The following NXPE2 variants were observed in gnomAD, a reference collection of about 807,000 sequenced individuals.
NXPE2 encodes NXPE family member 2.
NXPE2 carries 34 observed loss-of-function variants against 34.4 expected under a neutral mutation model. That is an observed-to-expected ratio of 0.99 (90% CI 0.75 to 1.31). The LOEUF (loss-of-function observed/expected upper bound fraction) is 1.31. Ranked by LOEUF, NXPE2 falls within the 40% of genes most tolerant of loss-of-function variation. The pLI, the probability that NXPE2 is intolerant of heterozygous loss-of-function variation, is 0.00. For missense variants in NXPE2, 649 were observed against 672.5 expected (o/e 0.97, Z 0.39); for synonymous variants, 235 against 231.3 (o/e 1.02, Z -0.15).
At chr11:114,642,266 C>A in the NXPE2 span, among the ~76,000 whole-genome samples, 1 of 151,958 alleles carries the variant, frequency 6.6e-6, no homozygotes, top group Admixed American at 6.6e-5. Flanking sequence ...AGATAATTCC[C>A]AATTGAGGGA....
chr11:114,666,234 A>T, the NXPE2 span, among the ~76,000 whole-genome samples: 3 of 152,058 alleles, frequency 2.0e-5, no homozygotes, highest in Non-Finnish European at 2.9e-5. Context: ...TAGCAGATTC[A>T]TTCCTCTTTA....
chr11:114,605,586 C>A, the NXPE2 span, among the ~76,000 whole-genome samples: 2 of 151,428 alleles, frequency 1.3e-5, no homozygotes, highest in East Asian at 2.0e-4. Flanking sequence ...ATAAGTATTG[C>A]CTCGTCGGTA....
At chr11:114,612,408 C>A in the NXPE2 span, among the ~76,000 whole-genome samples, 3 of 152,026 alleles carry the variant, frequency 2.0e-5, no homozygotes, top group Non-Finnish European at 4.4e-5. Flanking sequence ...ACCACTGTTA[C>A]CCGGTGGATA....
chr11:114,780,059 T>C, the NXPE2 span, among the ~76,000 whole-genome samples: 2 of 152,208 alleles, frequency 1.3e-5, no homozygotes, highest in Non-Finnish European at 2.9e-5. Context: ...ACAACCCCCA[T>C]GTGTCCACTG....
chr11:114,671,929 G>A, the NXPE2 span, among the ~76,000 whole-genome samples: 1 of 152,000 alleles, frequency 6.6e-6, no homozygotes, highest in South Asian at 2.1e-4. Flanking sequence ...AGTAAAAGAG[G>A]TTTAATCGGC....
At chr11:114,576,670 C>A in the NXPE2 span, among the ~76,000 whole-genome samples, 2 of 151,440 alleles carry the variant, frequency 1.3e-5, no homozygotes, top group African/African-American at 4.9e-5. Context: ...TAAGAAAGGC[C>A]ATATTCAAAA....
At chr11:114,704,552 T>C (rs1443877806) in intron 4 of NXPE2, among the ~76,000 whole-genome samples, 2 of 152,232 alleles carry the variant, frequency 1.3e-5, no homozygotes, top group East Asian at 3.8e-4. Context: ...ATTTCACTCA[T>C]AGAAGTGATG....
the NXPE2 span, among the ~76,000 whole-genome samples, chr11:114,746,775 C>T: frequency 3.3e-5 from 5 of 151,772 alleles, no homozygotes; most frequent in African/African-American, 9.7e-5. Flanking sequence ...CGCTTGAACC[C>T]GGAATGTGGA....
chr11:114,626,433 C>A, the NXPE2 span, among the ~76,000 whole-genome samples: 4 of 151,890 alleles, frequency 2.6e-5, no homozygotes, highest in African/African-American at 9.6e-5. Flanking sequence ...CCTCACGTGG[C>A]CGGGTACTCC....
chr11:114,651,523 A>G, the NXPE2 span, among the ~76,000 whole-genome samples: 1 of 152,236 alleles, frequency 6.6e-6, no homozygotes, highest in Middle Eastern at 3.2e-3. Flanking sequence ...CACAGCATGG[A>G]AGAGAATCCG....
the NXPE2 span, among the ~76,000 whole-genome samples, chr11:114,604,250 T>C: frequency 6.6e-6 from 1 of 152,056 alleles, no homozygotes; most frequent in African/African-American, 2.4e-5. Flanking sequence ...AAGTGTTGAC[T>C]CTTGGGTAAC....
chr11:114,638,681 C>G, the NXPE2 span, among the ~76,000 whole-genome samples: 1 of 152,104 alleles, frequency 6.6e-6, no homozygotes, highest in Non-Finnish European at 1.5e-5. Context: ...TTCTTTCTAA[C>G]AGACAGGACC....
chr11:114,543,963 C>CA, the NXPE2 span, among the ~76,000 whole-genome samples: 1 of 151,676 alleles, frequency 6.6e-6, no homozygotes, highest in Non-Finnish European at 1.5e-5. Flanking sequence ...TTTGAAATTA[C>CA]AAAAAAGAAA....
chr11:114,687,654 G>C (rs1285022208), intron 2 of NXPE2, among the ~76,000 whole-genome samples: 1 of 151,656 alleles, frequency 6.6e-6, no homozygotes, highest in African/African-American at 2.4e-5. Flanking sequence ...TGGGAATACT[G>C]ATGTTGGAAT....
chr11:114,468,568 G>C, the NXPE2 span, among the ~76,000 whole-genome samples: 1 of 152,156 alleles, frequency 6.6e-6, no homozygotes, highest in African/African-American at 2.4e-5. Flanking sequence ...CCCCCCAGGG[G>C]ACATTTGGAA....
At chr11:114,801,660 G>A in the NXPE2 span, among the ~76,000 whole-genome samples, 1 of 146,968 alleles carries the variant, frequency 6.8e-6, no homozygotes, top group South Asian at 2.2e-4. Flanking sequence ...AGACCAGGAT[G>A]TGAAGAAAAG....
the NXPE2 span, among the ~76,000 whole-genome samples, chr11:114,756,526 A>C: frequency 6.6e-6 from 1 of 152,140 alleles, no homozygotes; most frequent in Non-Finnish European, 1.5e-5. Flanking sequence ...ATCCTTAAGC[A>C]TAGGTATAAT....
the NXPE2 span, among the ~76,000 whole-genome samples, chr11:114,637,159 C>A: frequency 6.6e-6 from 1 of 151,670 alleles, no homozygotes; most frequent in African/African-American, 2.4e-5. Context: ...GTATTGGGTC[C>A]ATATATATTT....
the NXPE2 span, among the ~76,000 whole-genome samples, chr11:114,800,302 T>A: frequency 1.4e-4 from 21 of 152,316 alleles, no homozygotes; most frequent in South Asian, 3.9e-3. Flanking sequence ...ATGATATAAT[T>A]TTTCTTACTC....
Sources: allele counts gnomAD v4.1 joint callset (sites outside exome capture counted in the v4.1 genomes callset), GRCh38; gene constraint gnomAD v4.1.1; transcripts MANE v1.5; gene names NCBI Gene and HGNC (gene_info 2026-07-23, HGNC 2026-07-21).